The following TMEM178B variants were observed in gnomAD, a reference collection of about 807,000 sequenced individuals.
TMEM178B encodes the protein transmembrane protein 178B.
A neutral mutation model predicts 31.0 loss-of-function variants in TMEM178B; 5 were observed. The ratio of observed to expected loss-of-function variants is 0.16; its 90% CI spans 0.08 to 0.34. The LOEUF is 0.34. Ranked by LOEUF, TMEM178B falls within the 10% of genes least tolerant of loss-of-function variation. The pLI, the probability that TMEM178B is intolerant of heterozygous loss-of-function variation, is 1.00. For synonymous variants in TMEM178B, 164 were observed against 164.0 expected, an observed-to-expected ratio of 1.00 and a Z score of 0.00; for missense variants, 275 against 400.3, an observed-to-expected ratio of 0.69 and a Z score of 2.67.
At chr7:141,326,891 C>T (rs888299616) in intron 2 of TMEM178B, among the ~76,000 whole-genome samples, 1 of 152,178 alleles carries the variant, frequency 6.6e-6, no homozygotes, top group Non-Finnish European at 1.5e-5. Flanking sequence ...CATGTATCTA[C>T]TGAGCCCTTG....
chr7:141,214,524 G>A (rs190472185), intron 2 of TMEM178B, among the ~76,000 whole-genome samples: 138 of 152,328 alleles, frequency 9.1e-4, no homozygotes, highest in Middle Eastern at 3.4e-3. Context: ...AAATTTTTTA[G>A]CAAGAAGGAA....
chr7:141,332,352 G>A (rs1265974043), intron 2 of TMEM178B, among the ~76,000 whole-genome samples: 1 of 152,078 alleles, frequency 6.6e-6, no homozygotes, highest in Admixed American at 6.5e-5. Flanking sequence ...CCCTCAACTG[G>A]CTGCTGTTAA....
chr7:141,401,081 G>T lies in TMEM178B; in HGVS notation c.497-36527G>T, dbSNP rs184864327. Among the ~76,000 whole-genome samples, 341 of 152,292 alleles carry T rather than the reference G, an allele frequency of 2.2e-3. 4 individuals carry two copies. In the South Asian group the frequency reaches 0.032, roughly 14 times the overall value. On this transcript the variant is annotated intron_variant, in intron 2 of 3. Transcript: ENST00000565468. ...TCCAGTGGGTCATTGCTGATCTAGG[G>T]TAGCTATAGCCTGGGAGCCTCTTCT...
chr7:141,342,971 C>T (rs900333705), intron 2 of TMEM178B, among the ~76,000 whole-genome samples: 2 of 152,224 alleles, frequency 1.3e-5, no homozygotes, highest in Non-Finnish European at 2.9e-5. Flanking sequence ...ACCACTGTTT[C>T]TCAAACTTTA....
chr7:141,348,143 T>G (rs1799651387), intron 2 of TMEM178B, among the ~76,000 whole-genome samples: 1 of 152,236 alleles, frequency 6.6e-6, no homozygotes, highest in African/African-American at 2.4e-5. Flanking sequence ...AGCCAAAATC[T>G]TGGGTTTTAC....
At chr7:141,209,884 A>T (rs1797026791) in intron 1 of TMEM178B, among the ~76,000 whole-genome samples, 1 of 152,134 alleles carries the variant, frequency 6.6e-6, no homozygotes, top group Non-Finnish European at 1.5e-5. Flanking sequence ...GTAAGGTGGG[A>T]GGTTCACCTA....
chr7:141,178,774 C>G (rs1353702976), intron 1 of TMEM178B, among the ~76,000 whole-genome samples: 1 of 152,170 alleles, frequency 6.6e-6, no homozygotes, highest in Non-Finnish European at 1.5e-5. Flanking sequence ...CAGACAACCT[C>G]TTGGCTGCTG....
chr7:141,467,106 A>C (rs1165818722), intron 3 of TMEM178B, among the ~76,000 whole-genome samples: 2 of 152,132 alleles, frequency 1.3e-5, no homozygotes, highest in African/African-American at 4.8e-5. Flanking sequence ...CAAGGATTCA[A>C]GCAGGCTGAC....
chr7:141,499,451 G>T, the TMEM178B span, among the ~76,000 whole-genome samples: 1 of 112,926 alleles, frequency 8.9e-6, no homozygotes, highest in Non-Finnish European at 1.7e-5. Context: ...ACCATAGGAA[G>T]ACCACATCTC....
chr7:141,350,055 T>G (rs1255794797), intron 2 of TMEM178B, among the ~76,000 whole-genome samples: 1 of 152,070 alleles, frequency 6.6e-6, no homozygotes, highest in East Asian at 1.9e-4. Context: ...ATCCATCTAG[T>G]AAGATTGAGT....
chr7:141,355,261 C>T (rs1441783363), intron 2 of TMEM178B, among the ~76,000 whole-genome samples: 1 of 152,098 alleles, frequency 6.6e-6, no homozygotes, highest in African/African-American at 2.4e-5. Flanking sequence ...GACTTGGTGA[C>T]TAACTCAGGA....
intron 2 of TMEM178B, among the ~76,000 whole-genome samples, chr7:141,308,402 G>T (rs1209828265): frequency 2.6e-5 from 4 of 152,132 alleles, no homozygotes; most frequent in African/African-American, 9.7e-5. Flanking sequence ...AACCATTTGT[G>T]TGTAATTTTT....
intron 2 of TMEM178B, among the ~76,000 whole-genome samples, chr7:141,378,233 C>T (rs1252364307): frequency 2.0e-5 from 3 of 152,160 alleles, no homozygotes; most frequent in Admixed American, 1.3e-4. Flanking sequence ...AGGTCAAGTG[C>T]TCTTCTTGCA....
At position 141,171,048 on chromosome 7, in the gene TMEM178B, ACACACAC is replaced by A. The variant is rs1796341992; in HGVS notation, c.383-41542_383-41536del. 6.9e-6 allele frequency among the ~76,000 whole-genome samples: 1 copy of A among 145,254 alleles called. No individual in the cohort carries two copies. The highest frequency in any genetic ancestry group is 2.2e-4 in the South Asian group (1 of 4,558). On this transcript the variant is annotated intron_variant, in intron 1 of 3. Coordinates refer to ENST00000565468, the MANE Select transcript of TMEM178B (RefSeq NM_001195278.2). The surrounding 1 kb of genome is among the most constrained non-coding windows in gnomAD (Gnocchi z 4.3). Reference sequence around the variant, plus strand: ...CACACACACACACACACACACACACACACACACACACACACACCCTAAATATAAATTA... The same window carrying A: ...CACACACACACACACACACACACACAACACACACACCCTAAATATAAATTA...
At chr7:141,372,450 T>G (rs1318920508) in intron 2 of TMEM178B, among the ~76,000 whole-genome samples, 1 of 152,138 alleles carries the variant, frequency 6.6e-6, no homozygotes, top group East Asian at 1.9e-4. Flanking sequence ...CCTTCAGGTC[T>G]TTACTCAAAT....
rs71170797 is a variant in TMEM178B at position 141,432,146 on chromosome 7, C to CTTTTTTTTTTTTTTTTTTTTTTT, written c.497-5456_497-5434dup. ...TTTCTTTTTCTCTCCTTCACTGCAT[C>CTTTTTTTTTTTTTTTTTTTTTTT]TTTTTTTTTTTTTTTTTTTTTTTTT... On this transcript the variant is annotated intron_variant, in intron 2 of 3. Transcript: ENST00000565468. Among the ~76,000 whole-genome samples the CTTTTTTTTTTTTTTTTTTTTTTT allele has an allele frequency of 1.1e-4, 9 of 79,086 alleles. 1 individual carries two copies. Among genetic ancestry groups the CTTTTTTTTTTTTTTTTTTTTTTT allele is most frequent in the African/African-American group, 3.1e-4 (6 of 19,642 alleles). 51.9% of individuals were successfully genotyped at this position (79,086 alleles called of 152,430 possible). A position where few individuals can be genotyped will look rare whatever the true frequency, so the allele number is the denominator to read the frequency against.
chr7:141,238,766 G>A (rs1797569571), intron 2 of TMEM178B, among the ~76,000 whole-genome samples: 1 of 152,184 alleles, frequency 6.6e-6, no homozygotes, highest in Admixed American at 6.5e-5. Context: ...GTGTTCCCAC[G>A]TAGCTTCCCT....
At chr7:141,182,113 T>C (rs1222852509) in intron 1 of TMEM178B, among the ~76,000 whole-genome samples, 1 of 151,780 alleles carries the variant, frequency 6.6e-6, no homozygotes, top group Non-Finnish European at 1.5e-5. Flanking sequence ...ACTAGACCTA[T>C]GAGAATATGA....
chr7:141,447,175 A>G (rs1045039912), intron 3 of TMEM178B, among the ~76,000 whole-genome samples: 5 of 152,160 alleles, frequency 3.3e-5, no homozygotes, highest in Admixed American at 6.5e-5. Context: ...CAAGTGCCAT[A>G]AAAATATAGT....
Sources: allele counts gnomAD v4.1 joint callset (sites outside exome capture counted in the v4.1 genomes callset), GRCh38; gene constraint gnomAD v4.1.1; non-coding constraint Gnocchi (gnomAD v3.1); transcripts MANE v1.5; gene names NCBI Gene and HGNC (gene_info 2026-07-23, HGNC 2026-07-21).